The following PHF24 variants were observed in gnomAD, a reference collection of about 807,000 sequenced individuals.
PHF24 encodes Galpha inhibitory interacting protein.
A neutral mutation model predicts 42.6 loss-of-function variants in PHF24; 25 were observed. The observed-to-expected ratio is 0.59, with a 90% confidence interval of 0.43 to 0.82. The LOEUF is 0.82. PHF24 is among the 40% of genes least tolerant of loss of function. The probability of loss-of-function intolerance (pLI) is 0.00; values close to 1 mark genes in which losing one functional copy is unlikely to be tolerated. For missense variants in PHF24, 470 were observed against 538.1 expected (o/e 0.87, Z 1.25); for synonymous variants, 185 against 204.8 (o/e 0.90, Z 0.83).
At chr9:34,795,170 G>A in the PHF24 span, among the ~76,000 whole-genome samples, 1 of 152,074 alleles carries the variant, frequency 6.6e-6, no homozygotes. Flanking sequence ...CATCACTTGA[G>A]GAGGTTGAGG....
At chr9:34,947,749 T>G in the PHF24 span, among the ~76,000 whole-genome samples, 2 of 152,140 alleles carry the variant, frequency 1.3e-5, no homozygotes, top group Non-Finnish European at 2.9e-5. Context: ...CCTAGGCTAA[T>G]GCGTGCGTGT....
chr9:34,898,792 C>T, the PHF24 span, among the ~76,000 whole-genome samples: 2 of 152,112 alleles, frequency 1.3e-5, no homozygotes, highest in South Asian at 2.1e-4. Flanking sequence ...GCAGAATCAC[C>T]ACATCTGCAA....
the PHF24 span, among the ~76,000 whole-genome samples, chr9:34,772,559 T>C: frequency 6.6e-6 from 1 of 152,304 alleles, no homozygotes; most frequent in East Asian, 1.9e-4. Flanking sequence ...GATTTAAAAA[T>C]GACAAAGTAG....
At chr9:34,918,402 G>T in the PHF24 span, 4 of 516,466 alleles carry the variant, frequency 7.7e-6, no homozygotes, top group Admixed American at 3.3e-5. Context: ...TGAATACCAA[G>T]GTCTTTAAAA....
the PHF24 span, chr9:34,723,162 A>G: frequency 6.7e-7 from 1 of 1,481,898 alleles, no homozygotes; most frequent in East Asian, 2.5e-5. Context: ...GAGCCTATAA[A>G]CTCTTTTTCA....
chr9:34,801,726 CA>C, the PHF24 span, among the ~76,000 whole-genome samples: 12 of 146,164 alleles, frequency 8.2e-5, no homozygotes, highest in East Asian at 2.0e-4. Context: ...GACTCCATCT[CA>C]AAAAAAAAAG....
chr9:34,872,113 A>AGTTT, the PHF24 span, among the ~76,000 whole-genome samples: 1 of 152,090 alleles, frequency 6.6e-6, no homozygotes, highest in Non-Finnish European at 1.5e-5. Flanking sequence ...TCTGGTACAT[A>AGTTT]GTTTGTTAGG....
chr9:34,707,626 G>A, the PHF24 span, among the ~76,000 whole-genome samples: 41 of 152,220 alleles, frequency 2.7e-4, no homozygotes, highest in African/African-American at 8.4e-4. Context: ...AGGATAGGTG[G>A]TAAGTGCTGT....
At chr9:34,764,217 T>C in the PHF24 span, among the ~76,000 whole-genome samples, 166 of 152,380 alleles carry the variant, frequency 1.1e-3, no homozygotes, top group African/African-American at 3.9e-3. Flanking sequence ...CCTCATAAAA[T>C]GAATTAGGGA....
the PHF24 span, chr9:34,922,745 C>T: frequency 1.3e-6 from 2 of 1,589,378 alleles, no homozygotes; most frequent in African/African-American, 2.7e-5. Flanking sequence ...AGACGATGCT[C>T]CAAGATGACC....
At chr9:34,878,435 C>T in the PHF24 span, among the ~76,000 whole-genome samples, 16 of 152,090 alleles carry the variant, frequency 1.1e-4, no homozygotes, top group African/African-American at 1.9e-4. Flanking sequence ...ACCTGGGAAG[C>T]GCAAGGGGTG....
chr9:34,673,023 A>G, the PHF24 span, among the ~76,000 whole-genome samples: 1 of 152,130 alleles, frequency 6.6e-6, no homozygotes, highest in African/African-American at 2.4e-5. Flanking sequence ...AAATATTCAA[A>G]CCATAGCAAC....
the PHF24 span, among the ~76,000 whole-genome samples, chr9:34,711,882 G>A: frequency 6.6e-6 from 1 of 152,126 alleles, no homozygotes; most frequent in Non-Finnish European, 1.5e-5. Context: ...TTGTTTCTTT[G>A]TGTGGCTGTG....
chr9:34,744,557 C>A, the PHF24 span, among the ~76,000 whole-genome samples: 4 of 151,984 alleles, frequency 2.6e-5, no homozygotes, highest in African/African-American at 9.7e-5. Context: ...AAATATTGTG[C>A]CAAAATATTT....
chr9:34,805,579 TAA>T, the PHF24 span, among the ~76,000 whole-genome samples: 2 of 152,220 alleles, frequency 1.3e-5, no homozygotes, highest in African/African-American at 4.8e-5. Flanking sequence ...TACTGAGTTA[TAA>T]GAGTTCTTTA....
the PHF24 span, among the ~76,000 whole-genome samples, chr9:34,706,693 T>A: frequency 6.6e-6 from 1 of 152,198 alleles, no homozygotes; most frequent in South Asian, 2.1e-4. Flanking sequence ...CAGGAGAATT[T>A]AGTGAAATAG....
At chr9:34,947,518 C>T in the PHF24 span, among the ~76,000 whole-genome samples, 1 of 152,078 alleles carries the variant, frequency 6.6e-6, no homozygotes, top group Non-Finnish European at 1.5e-5. Flanking sequence ...TGCTGACATA[C>T]TTTTTATCTT....
chr9:34,726,664 A>G, the PHF24 span: 1 of 1,551,676 alleles, frequency 6.4e-7, no homozygotes, highest in South Asian at 1.2e-5. Context: ...CTTGTATGCC[A>G]TCTGCATACG....
the PHF24 span, among the ~76,000 whole-genome samples, chr9:34,677,342 T>C: frequency 6.6e-6 from 1 of 151,894 alleles, no homozygotes; most frequent in Non-Finnish European, 1.5e-5. Flanking sequence ...TTCCCCATTC[T>C]TTGTACAATT....
Sources: gnomAD v4.1 joint callset for allele counts (sites outside exome capture counted in the v4.1 genomes callset) on GRCh38, gnomAD v4.1.1 for gene constraint, MANE v1.5 for transcripts, NCBI Gene and HGNC (gene_info 2026-07-23, HGNC 2026-07-21) for gene names.